The following CBLB variants were observed in gnomAD, a reference collection of about 807,000 sequenced individuals.
CBLB encodes the protein Cbl proto-oncogene B, also known as E3 ubiquitin-protein ligase CBL-B.
A neutral mutation model predicts 104.9 loss-of-function variants in CBLB; 31 were observed. The ratio of observed to expected loss-of-function variants is 0.30; its 90% CI spans 0.22 to 0.40. CBLB has a LOEUF of 0.40. Ranked by LOEUF, CBLB falls within the 10% of genes least tolerant of loss-of-function variation. The pLI, the probability that CBLB is intolerant of heterozygous loss-of-function variation, is 1.00. For synonymous variants in CBLB, 440 were observed against 422.6 expected, an observed-to-expected ratio of 1.04 and a Z score of -0.51; for missense variants, 1,062 against 1,214.6, an observed-to-expected ratio of 0.87 and a Z score of 1.87.
chr3:105,820,828 C>T (rs2085738291), intron 3 of CBLB, among the ~76,000 whole-genome samples: 1 of 152,006 alleles, frequency 6.6e-6, no homozygotes, highest in African/African-American at 2.4e-5. Flanking sequence ...ATTCATTTTG[C>T]TTAAAAAGTC....
chr3:105,758,558 C>T (rs956495612), intron 4 of CBLB, among the ~76,000 whole-genome samples: 3 of 152,336 alleles, frequency 2.0e-5, no homozygotes, highest in East Asian at 3.9e-4. Context: ...TGGCGGGCCA[C>T]GCTCACCATG....
chr3:105,710,170 A>G (rs2070853961), intron 10 of CBLB, among the ~76,000 whole-genome samples: 1 of 151,552 alleles, frequency 6.6e-6, no homozygotes, highest in Non-Finnish European at 1.5e-5. Context: ...CTGCAGTTAA[A>G]TTTTTCTGAC....
intron 3 of CBLB, among the ~76,000 whole-genome samples, chr3:105,850,799 CT>C (rs2090842765): frequency 6.6e-6 from 1 of 152,200 alleles, no homozygotes; most frequent in Admixed American, 6.5e-5. Flanking sequence ...CCACCCACAT[CT>C]ACCACATCCG....
intron 3 of CBLB, among the ~76,000 whole-genome samples, chr3:105,810,809 T>G (rs1308226987): frequency 6.6e-6 from 1 of 152,146 alleles, no homozygotes; most frequent in African/African-American, 2.4e-5. Flanking sequence ...TACTTCTTGT[T>G]AGGAGTAAAT....
At chr3:105,733,858 TTA>T in intron 9 of CBLB, 149 bp downstream of exon 9, 1 of 601,062 alleles carries the variant, frequency 1.7e-6, no homozygotes, top group Non-Finnish European at 2.9e-6. Flanking sequence ...AAAAATCAAA[TTA>T]TATATAGCAA....
At chr3:105,692,574 T>C (rs985415215) in intron 13 of CBLB, among the ~76,000 whole-genome samples, 1 of 152,076 alleles carries the variant, frequency 6.6e-6, no homozygotes, top group African/African-American at 2.4e-5. Flanking sequence ...ACAATCCAGA[T>C]ATAATTACAG....
intron 17 of CBLB, chr3:105,670,602 T>C (rs1191892562): frequency 1.4e-5 from 6 of 431,582 alleles, no homozygotes; most frequent in Non-Finnish European, 2.5e-5. Context: ...ATTTTGCAGA[T>C]ATATTTAATT....
chr3:105,693,595 G>A lies in CBLB; in HGVS notation c.1960-7C>T. 6.3e-7 allele frequency: 1 copy of A among 1,594,100 alleles called. No individual in the cohort carries two copies. Among genetic ancestry groups the A allele is most frequent in the Non-Finnish European group, 8.6e-7 (1 of 1,162,470 alleles). On this transcript the variant is annotated splice_polypyrimidine_tract_variant and splice_region_variant and intron_variant, in intron 12 of 18. Coordinates refer to ENST00000394030, the MANE Select transcript of CBLB (RefSeq NM_170662.5). ...GGTGACCATTGGAAAAGACCTGAAA[G>A]TAAATCAAATTGTTAGTTTCCAAGA...
rs2077639685 is a variant in CBLB, at chr3:105,761,604, T to C, written c.567-9986A>G. On this transcript the variant is annotated intron_variant, in intron 4 of 18. Coordinates refer to ENST00000394030, the MANE Select transcript of CBLB (RefSeq NM_170662.5). ...TGTGCCTTTTATCTTCTGCCATGAT[T>C]GTGAGGTCTCCCCAGCCACATGGAA... 1.3e-5 allele frequency among the ~76,000 whole-genome samples: 2 copies of C among 152,232 alleles called. 1 individual carries two copies. Among genetic ancestry groups the C allele is most frequent in the South Asian group, 4.1e-4 (2 of 4,828 alleles).
At chr3:105,686,498 T>G (rs2067025219) in intron 13 of CBLB, among the ~76,000 whole-genome samples, 1 of 151,962 alleles carries the variant, frequency 6.6e-6, no homozygotes, top group Admixed American at 6.6e-5. Flanking sequence ...TTGCAGCACC[T>G]TCTATAGAGG....
Position 105,838,084 on chromosome 3 carries a change from T to C in CBLB, c.419+15330A>G, listed in dbSNP as rs746887150. Among the ~76,000 whole-genome samples the C allele has an allele frequency of 4.6e-3, 8 of 1,756 alleles. No homozygotes were observed. The South Asian group carries it at 0.13, about 28-fold the overall frequency. The allele number at this position is 1,756 out of a possible 152,430, so 1.2% of individuals were successfully genotyped here. ...ATTACCTTTTTTTTTCCTTTTTTTCTTTTTTTTTTTTTTTCTGAGACACGT... is the reference window on the plus strand; with the variant it reads ...ATTACCTTTTTTTTTCCTTTTTTTCCTTTTTTTTTTTTTTCTGAGACACGT... On this transcript the variant is annotated intron_variant, in intron 3 of 18. Transcript: ENST00000394030.
chr3:105,828,320 A>G (rs993104201), intron 3 of CBLB, among the ~76,000 whole-genome samples: 2 of 152,230 alleles, frequency 1.3e-5, no homozygotes, highest in African/African-American at 4.8e-5. Context: ...ATGGATAACA[A>G]TGGGGAAATA....
intron 4 of CBLB, among the ~76,000 whole-genome samples, chr3:105,758,834 C>T (rs2077321858): frequency 6.6e-6 from 1 of 152,210 alleles, no homozygotes; most frequent in African/African-American, 2.4e-5. Flanking sequence ...TTGGAGACTC[C>T]AGAAACTGCA....
At chr3:105,775,880 A>C (rs572970549) in intron 4 of CBLB, among the ~76,000 whole-genome samples, 54 of 152,304 alleles carry the variant, frequency 3.5e-4, no homozygotes, top group Admixed American at 1.3e-3. Flanking sequence ...AAACAAAGAA[A>C]GGCTGGATCA....
In CBLB at chr3:105,763,592, T is replaced by G. The variant is rs572008791; in HGVS notation, c.567-11974A>C. On this transcript the variant is annotated intron_variant, in intron 4 of 18. Coordinates refer to ENST00000394030, the MANE Select transcript of CBLB (RefSeq NM_170662.5). ...CGATTGTGAGGTCTCCCTAGTCATG[T>G]GGAACTGTGAGTGCATTAAACTTCT... Among the ~76,000 whole-genome samples, 23 of 152,354 alleles carry G rather than the reference T, an allele frequency of 1.5e-4. No individual in the cohort carries two copies. In the South Asian group the frequency reaches 4.1e-3, roughly 27 times the overall value.
chr3:105,840,109 G>A (rs1458645485), intron 3 of CBLB, among the ~76,000 whole-genome samples: 2 of 152,114 alleles, frequency 1.3e-5, no homozygotes, highest in Non-Finnish European at 2.9e-5. Flanking sequence ...AAAACCTTCA[G>A]AACAAAACGC....
chr3:105,754,948 T>C (rs1440961821), intron 4 of CBLB, among the ~76,000 whole-genome samples: 3 of 152,088 alleles, frequency 2.0e-5, no homozygotes, highest in Admixed American at 2.0e-4. Context: ...TATTAGATAA[T>C]GAGTTCTAGT....
At chr3:105,868,155 G>C in intron 1 of CBLB, 1 of 1,178,852 alleles carries the variant, frequency 8.5e-7, no homozygotes. Flanking sequence ...CACCAAGTAC[G>C]GACACACGAA....
chr3:105,798,174 A>C (rs1054993142), intron 3 of CBLB, among the ~76,000 whole-genome samples: 3 of 152,258 alleles, frequency 2.0e-5, no homozygotes, highest in Non-Finnish European at 4.4e-5. Context: ...CTTTAAAATT[A>C]TATTGAACGA....
Sources: gnomAD v4.1 joint callset for allele counts (sites outside exome capture counted in the v4.1 genomes callset) on GRCh38, gnomAD v4.1.1 for gene constraint, MANE v1.5 for transcripts, NCBI Gene and HGNC (gene_info 2026-07-23, HGNC 2026-07-21) for gene names.